VWA5B2: variants seen among roughly 807,000 people sequenced by gnomAD.
VWA5B2 encodes the protein von Willebrand factor A domain-containing protein 5B2.
A neutral mutation model predicts 118.5 loss-of-function variants in VWA5B2; 93 were observed. The observed-to-expected ratio is 0.79, with a 90% confidence interval of 0.66 to 0.93. VWA5B2 has a LOEUF of 0.93. Ranked by LOEUF, VWA5B2 falls within the 40% of genes least tolerant of loss-of-function variation. VWA5B2 has a pLI of 0.00. For synonymous variants in VWA5B2, 708 were observed against 716.3 expected (o/e 0.99, Z 0.19); for missense variants, 1,546 against 1,672.8 (o/e 0.92, Z 1.32).
At chr3:184,231,638 C>T (rs141582682) in intron 3 of VWA5B2, among the ~76,000 whole-genome samples, 70 of 152,364 alleles carry the variant, frequency 4.6e-4, no homozygotes, top group African/African-American at 1.5e-3. Context: ...GGAGCATCTC[C>T]AAATCCCAGC....
intron 3 of VWA5B2, among the ~76,000 whole-genome samples, chr3:184,231,803 TAAG>T (rs1475601002): frequency 1.3e-5 from 2 of 152,122 alleles, no homozygotes; most frequent in Non-Finnish European, 2.9e-5. Flanking sequence ...GCAATCCAGG[TAAG>T]AAGAAGAGGA....
chr3:184,241,979 C>A lies in VWA5B2; in HGVS notation c.3670C>A (p.Arg1224Ser), dbSNP rs1174746433. 1 of 1,550,156 alleles carries A rather than the reference C, an allele frequency of 6.5e-7. No homozygotes were observed. The highest frequency in any genetic ancestry group is 2.4e-5 in the East Asian group (1 of 40,912). The change falls in exon 20 of 20, where the codon CGC (arginine) becomes AGC (serine). Residue 1224 changes from arginine (R) to serine (S), a missense_variant. This residue lies in a region of VWA5B2 where 763 missense variants were observed against 766.6 expected (regional missense o/e 1.00). Transcript: ENST00000691901. This position sits in a 1 kb window ranked among gnomAD's most constrained non-coding sequence, Gnocchi z 5.1. The part of the protein sequence containing the change: ...AAARGLFLLL[R>S]HWDQNLQLHL... The stretch of plus-strand genomic sequence containing the variant: ...AGCCCGAGGGCTCTTCCTGCTACTG[C>A]GCCACTGGGACCAAAACCTGCAGCT...
chr3:184,236,695 C>T lies in VWA5B2; in HGVS notation c.1479C>T (p.Ala493=). The change falls in exon 11 of 20, where the codon GCC becomes GCT. Residue 493 remains alanine (A), a synonymous_variant. Transcript: ENST00000691901. ...TCHQLLQGLS[A]LSRGQAYFLR... ...ACCAGCTGCTCCAGGGTTTATCTGC[C>T]CTCAGCAGAGGCCAGGCCTACTTCC... 6.4e-7 allele frequency: 1 copy of T among 1,550,966 alleles called. No individual in the cohort carries two copies. Among genetic ancestry groups the T allele is most frequent in the Non-Finnish European group, 8.7e-7 (1 of 1,146,470 alleles).
In VWA5B2 at chr3:184,241,034, G is replaced by GC. The variant is rs1435527876; in HGVS notation, c.2894dup (p.Gly966ArgfsTer22). 1.3e-6 allele frequency: 2 copies of GC among 1,551,610 alleles called. No individual in the cohort carries two copies. Among genetic ancestry groups the GC allele is most frequent in the Admixed American group, 2.0e-5 (1 of 50,998 alleles). ...CATGTGCCCCTGCAGAGCCCGCTGA[G>GC]CCCCCAGGAACCCCTCCTGCCTCTC... On this transcript the variant is annotated frameshift_variant, in exon 18 of 20. Coordinates refer to ENST00000691901, the MANE Select transcript of VWA5B2 (RefSeq NM_001390846.1). LOFTEE classifies it high-confidence loss of function. The surrounding 1 kb of genome is among the most constrained non-coding windows in gnomAD (Gnocchi z 5.1).
rs866976912 is a variant in VWA5B2, at chr3:184,241,298, C to T, written c.3074C>T (p.Pro1025Leu). The change falls in exon 19 of 20, where the codon CCC becomes CTC. Residue 1025 changes from proline to leucine, a missense_variant. Transcript: ENST00000691901. The surrounding 1 kb of genome is among the most constrained non-coding windows in gnomAD (Gnocchi z 5.1). ...TPTEGPRRPPPRPPCRLSMGR... is the reference protein window; with the variant it reads ...TPTEGPRRPPLRPPCRLSMGR... ...ACGGAAGGTCCTCGCCGCCCACCTC[C>T]CCGTCCTCCCTGTCGGCTCAGCATG... is the stretch of plus-strand genomic sequence containing the variant. The T allele has an allele frequency of 7.1e-6, 11 of 1,551,238 alleles. No individual in the cohort carries two copies. Among genetic ancestry groups the T allele is most frequent in the Middle Eastern group, 1.7e-4 (1 of 6,014 alleles).
Position 184,241,460 on chromosome 3 carries a change from C to T in VWA5B2, c.3181-30C>T, listed in dbSNP as rs1305191447. The T allele has an allele frequency of 2.0e-5, 31 of 1,554,610 alleles. No individual in the cohort carries two copies. Among genetic ancestry groups the T allele is most frequent in the Non-Finnish European group, 2.6e-5 (30 of 1,147,602 alleles). ...GCCGGGGCCGGGCGCTGTTTCAGCT[C>T]GCTTCTCCCCCCACCTCCTCTCTCC... On this transcript the variant is annotated intron_variant, in intron 19 of 19. Coordinates refer to ENST00000691901, the MANE Select transcript of VWA5B2 (RefSeq NM_001390846.1). This position sits in a 1 kb window ranked among gnomAD's most constrained non-coding sequence, Gnocchi z 5.1.
intron 8 of VWA5B2, 41 bp from the exon 9 acceptor site, chr3:184,236,107 GGCCC>G: frequency 6.7e-7 from 1 of 1,499,620 alleles, no homozygotes; most frequent in Non-Finnish European, 9.1e-7. Flanking sequence ...TCTGTATCAG[GGCCC>G]ATGGGGCCGG....
In VWA5B2 at chr3:184,230,596, G is replaced by T; in HGVS notation, c.68G>T (p.Cys23Phe). ...LPLTDSWVRA[C>F]ANGPCLSVRA... is the part of the protein sequence containing the mutation. The stretch of plus-strand genomic sequence containing the variant: ...CTCACGGACTCCTGGGTCCGGGCCT[G>T]CGCCAACGGCCCCTGCCTCAGCGTG... Residue 23 changes from cysteine (C) to phenylalanine (F), a missense_variant, in exon 2 of 20, where the codon TGC becomes TTC. Cys to Phe is a radical substitution (Grantham distance 205). Coordinates refer to ENST00000691901, the MANE Select transcript of VWA5B2 (RefSeq NM_001390846.1). 1 of 1,460,360 alleles carries T rather than the reference G, an allele frequency of 6.8e-7. No homozygotes were observed. The highest frequency in any genetic ancestry group is 1.3e-5 in the South Asian group (1 of 76,076). 90.5% of individuals were successfully genotyped at this position (1,460,360 alleles called of 1,614,324 possible).
rs1056022206 is a variant in VWA5B2 at position 184,240,051 on chromosome 3, GGT to G, written c.2740+16_2740+17del. 2 of 1,514,346 alleles carry G rather than the reference GGT, an allele frequency of 1.3e-6. No individual in the cohort carries two copies. Among genetic ancestry groups the G allele is most frequent in the African/African-American group, 2.8e-5 (2 of 72,308 alleles). The allele number at this position is 1,514,346 out of a possible 1,614,324, so 93.8% of individuals were successfully genotyped here. A position where few individuals can be genotyped will look rare whatever the true frequency, so the allele number is the denominator to read the frequency against. ...AGCTGACCGGGGTGAGTTGCTCATG[GGT>G]CCAGTCAGGACCCAAAGGCATGGGC... On this transcript the variant is annotated intron_variant, in intron 16 of 19. Transcript: ENST00000691901.
chr3:184,233,610 G>A lies in VWA5B2; in HGVS notation c.565G>A (p.Glu189Lys). ...CTGCTTCGGGGTGGGCAGCCTTCAG[G>A]AGGAAGGGCTGGCCTGGGAGGAGCT... ...TSCFGVGSLQ[E>K]EGLAWEELAA... Residue 189 changes from glutamate to lysine, a missense_variant, in exon 5 of 20, where the codon GAG becomes AAG. This residue lies in a region of VWA5B2 where 775 missense variants were observed against 882.3 expected (regional missense o/e 0.88). Coordinates refer to ENST00000691901, the MANE Select transcript of VWA5B2 (RefSeq NM_001390846.1). The surrounding 1 kb of genome is among the most constrained non-coding windows in gnomAD (Gnocchi z 5.2). 2 of 1,551,188 alleles carry A rather than the reference G, an allele frequency of 1.3e-6. No homozygotes were observed. Among genetic ancestry groups the A allele is most frequent in the Non-Finnish European group, 1.7e-6 (2 of 1,146,912 alleles).
Position 184,230,484 on chromosome 3 carries a change from C to T in VWA5B2, c.-45C>T. 2 of 1,404,872 alleles carry T rather than the reference C, an allele frequency of 1.4e-6. No homozygotes were observed. Among genetic ancestry groups the T allele is most frequent in the Non-Finnish European group, 1.8e-6 (2 of 1,089,970 alleles). 87.0% of individuals were successfully genotyped at this position (1,404,872 alleles called of 1,614,324 possible). A position where few individuals can be genotyped will look rare whatever the true frequency, so the allele number is the denominator to read the frequency against. ...GGGGTGGGCGTCCCGTCACCCTGCG[C>T]CCAGCTTCCCCGGCCCGTTCCCGCA... On this transcript the variant is annotated 5_prime_UTR_variant, in exon 2 of 20. Transcript: ENST00000691901.
rs1717303713 is a variant in VWA5B2 at position 184,230,740 on chromosome 3, TC to T, written c.140-3del. 1.6e-6 allele frequency: 2 copies of T among 1,214,224 alleles called. No individual in the cohort carries two copies. The highest frequency in any genetic ancestry group is 2.0e-6 in the Non-Finnish European group (2 of 977,508). The allele number at this position is 1,214,224 out of a possible 1,614,324, so 75.2% of individuals were successfully genotyped here. ...GGTCCGACGCCGCCTCCCGCCGCCC[TC>T]CCCAGGCGTGTTCGTGTACCCGCTG... is the stretch of plus-strand genomic sequence containing the variant. On this transcript the variant is annotated splice_region_variant and splice_polypyrimidine_tract_variant and intron_variant, in intron 2 of 19. Transcript: ENST00000691901.
At chr3:184,240,718 T>C (rs1042847291) in intron 16 of VWA5B2, 73 bp from the exon 17 acceptor site, 98 of 1,519,412 alleles carry the variant, frequency 6.4e-5, no homozygotes, top group Middle Eastern at 2.4e-4. Context: ...GGGAGAACAC[T>C]GCAATTTTTT....
rs778493177 is a variant in VWA5B2 at position 184,233,531 on chromosome 3, G to C, written c.531-45G>C. ...GGGGCCAGTCAGCCGGAGGGTTTAG[G>C]GGCCTTCACAGTGGCCCAGTGACCC... On this transcript the variant is annotated intron_variant, in intron 4 of 19. Transcript: ENST00000691901. The surrounding 1 kb of genome is among the most constrained non-coding windows in gnomAD (Gnocchi z 5.2). 25 of 1,540,074 alleles carry C rather than the reference G, an allele frequency of 1.6e-5. No homozygotes were observed. In the South Asian group the frequency reaches 2.9e-4, roughly 18 times the overall value.
rs1335474517 is a variant in VWA5B2, at chr3:184,238,413, G to A, written c.1830G>A (p.Leu610=). 6.4e-7 allele frequency: 1 copy of A among 1,550,686 alleles called. No individual in the cohort carries two copies. The highest frequency in any genetic ancestry group is 2.4e-5 in the East Asian group (1 of 40,900). The change falls in exon 13 of 20, where the codon CTG becomes CTA. Residue 610 remains leucine (L), a synonymous_variant. Transcript: ENST00000691901. The surrounding 1 kb of genome is among the most constrained non-coding windows in gnomAD (Gnocchi z 5.0). ...GTEPTGTSEP[L]GTGTVSAELS... is the part of the protein sequence containing the mutation. ...AGCCCACTGGCACCTCAGAGCCACTGGGAACAGGCACTGTCTCAGCAGAAC... is the reference window on the plus strand; with the variant it reads ...AGCCCACTGGCACCTCAGAGCCACTAGGAACAGGCACTGTCTCAGCAGAAC...
rs777384078 is a variant in VWA5B2 at position 184,233,204 on chromosome 3, G to C, written c.337G>C (p.Ala113Pro). 1 of 1,550,924 alleles carries C rather than the reference G, an allele frequency of 6.4e-7. No individual in the cohort carries two copies. Among genetic ancestry groups the C allele is most frequent in the South Asian group, 1.2e-5 (1 of 83,996 alleles). The stretch of plus-strand genomic sequence containing the variant: ...TCATCTTGTCTTGGATCTGGCCCAG[G>C]CCCGGTCCACGTTGGTGCTGCCCAC... ...QGHLVLDLAQ[A>P]RSTLVLPTGI... Residue 113 changes from alanine to proline, a missense_variant, in exon 4 of 20, where the codon GCC (alanine) becomes CCC (proline). Physicochemically the swap from Ala to Pro is conservative, Grantham distance 27 (BLOSUM62 -1). This residue lies in a region of VWA5B2 where 775 missense variants were observed against 882.3 expected (regional missense o/e 0.88). Coordinates refer to ENST00000691901, the MANE Select transcript of VWA5B2 (RefSeq NM_001390846.1). The surrounding 1 kb of genome is among the most constrained non-coding windows in gnomAD (Gnocchi z 5.2).
rs1046052585 is a variant in VWA5B2 at position 184,233,582 on chromosome 3, C to T, written c.537C>T (p.Thr179=). ...RPPGLCDDSP[T]SCFGVGSLQE... Reference sequence around the variant, plus strand: ...TCCTCATGCTCCCTTCCAGCCCCACCAGCTGCTTCGGGGTGGGCAGCCTTC... The same window carrying T: ...TCCTCATGCTCCCTTCCAGCCCCACTAGCTGCTTCGGGGTGGGCAGCCTTC... Residue 179 remains threonine (T), a synonymous_variant, in exon 5 of 20, where the codon ACC becomes ACT. Transcript: ENST00000691901. This position sits in a 1 kb window ranked among gnomAD's most constrained non-coding sequence, Gnocchi z 5.2. 6.4e-7 allele frequency: 1 copy of T among 1,550,554 alleles called. No individual in the cohort carries two copies. The highest frequency in any genetic ancestry group is 1.4e-5 in the African/African-American group (1 of 73,160).
Position 184,230,408 on chromosome 3 carries a change from A to C in VWA5B2, c.-121A>C. 1.7e-6 allele frequency: 2 copies of C among 1,182,182 alleles called. No homozygotes were observed. The highest frequency in any genetic ancestry group is 2.2e-5 in the South Asian group (1 of 44,996). The allele number at this position is 1,182,182 out of a possible 1,614,324, so 73.2% of individuals were successfully genotyped here. On this transcript the variant is annotated 5_prime_UTR_variant, in exon 2 of 20. Coordinates refer to ENST00000691901, the MANE Select transcript of VWA5B2 (RefSeq NM_001390846.1). ...CTCCCGCTCGGCCTCGCGCCCCGGC[A>C]GGCCCCGTCCGGGTGCTGGAGTGAG...
chr3:184,230,114 C>T (rs1442735562), intron 1 of VWA5B2, among the ~76,000 whole-genome samples: 1 of 152,140 alleles, frequency 6.6e-6, no homozygotes, highest in Non-Finnish European at 1.5e-5. Flanking sequence ...TCTTCCATCT[C>T]CACCCGCGCC....
Sources: gnomAD v4.1 joint callset for allele counts (sites outside exome capture counted in the v4.1 genomes callset) on GRCh38, gnomAD v4.1.1 for gene constraint, gnomAD v4.1.1 regional missense constraint, Gnocchi (gnomAD v3.1) non-coding constraint, MANE v1.5 for transcripts, NCBI Gene and HGNC (gene_info 2026-07-23, HGNC 2026-07-21) for gene names.